NKAIN2: variants seen among roughly 807,000 people sequenced by gnomAD.
The protein encoded by NKAIN2 is sodium/potassium transporting ATPase interacting 2.
In NKAIN2, 14 loss-of-function variants were observed where a neutral mutation model predicts 32.6. The ratio of observed to expected loss-of-function variants is 0.43; its 90% CI spans 0.28 to 0.67. The LOEUF (loss-of-function observed/expected upper bound fraction) is 0.67. Among genes scored for constraint, NKAIN2 ranks in the 30% least tolerant of loss-of-function variants. The pLI is 0.17. For synonymous variants in NKAIN2, 80 were observed against 87.2 expected (o/e 0.92, Z 0.46); for missense variants, 198 against 258.3 (o/e 0.77, Z 1.60).
chr6:124,477,061 A>G (rs1019942210), intron 3 of NKAIN2, among the ~76,000 whole-genome samples: 1 of 152,158 alleles, frequency 6.6e-6, no homozygotes, highest in Admixed American at 6.5e-5. Flanking sequence ...TGAGAGCTAT[A>G]TGACTCTGCA....
chr6:124,480,008 T>C, intron 3 of NKAIN2, among the ~76,000 whole-genome samples: 1 of 152,298 alleles, frequency 6.6e-6, no homozygotes, highest in Middle Eastern at 3.4e-3. Context: ...AAGACACTAA[T>C]GCATTCTGCA....
At chr6:124,636,532 AG>A (rs990363537) in intron 3 of NKAIN2, among the ~76,000 whole-genome samples, 1 of 151,948 alleles carries the variant, frequency 6.6e-6, no homozygotes, top group Non-Finnish European at 1.5e-5. Context: ...CTAAGAGAAA[AG>A]GGGAGAAGAC....
chr6:123,851,299 G>C (rs1775337222), intron 1 of NKAIN2, among the ~76,000 whole-genome samples: 1 of 133,772 alleles, frequency 7.5e-6, no homozygotes, highest in Non-Finnish European at 1.5e-5. Context: ...TCTCAGGCTG[G>C]AGTGCAATGG....
intron 4 of NKAIN2, among the ~76,000 whole-genome samples, chr6:124,670,029 T>C (rs79137356): frequency 0.18 from 27,937 of 151,884 alleles, 2,827 homozygotes; most frequent in East Asian, 0.34. Context: ...CCCATGTAGG[T>C]TGGTGCAAAA....
intron 3 of NKAIN2, among the ~76,000 whole-genome samples, chr6:124,597,982 T>C (rs1782156495): frequency 6.6e-6 from 1 of 152,188 alleles, no homozygotes; most frequent in Non-Finnish European, 1.5e-5. Flanking sequence ...TGCTGTCAAG[T>C]ACAACTTTTT....
intron 4 of NKAIN2, among the ~76,000 whole-genome samples, chr6:124,726,923 G>T (rs1583736410): frequency 8.3e-6 from 1 of 120,318 alleles, no homozygotes; most frequent in East Asian, 2.8e-4. Context: ...GAAGCCTCAG[G>T]AGCTGATGCA....
At chr6:124,234,777 T>G (rs1438764737) in intron 1 of NKAIN2, among the ~76,000 whole-genome samples, 1 of 152,176 alleles carries the variant, frequency 6.6e-6, no homozygotes, top group Non-Finnish European at 1.5e-5. Context: ...TCCCACAGAT[T>G]CTAAATAATA....
At chr6:123,984,449 T>C (rs1449616305) in intron 1 of NKAIN2, among the ~76,000 whole-genome samples, 1 of 152,150 alleles carries the variant, frequency 6.6e-6, no homozygotes, top group Non-Finnish European at 1.5e-5. Flanking sequence ...CACTGACCAA[T>C]ACTGTAATAT....
At chr6:124,516,488 GTTAA>G (rs1240058013) in intron 3 of NKAIN2, among the ~76,000 whole-genome samples, 1 of 152,086 alleles carries the variant, frequency 6.6e-6, no homozygotes, top group Non-Finnish European at 1.5e-5. Flanking sequence ...GGTGTTTTTA[GTTAA>G]TTAATTTCTT....
intron 1 of NKAIN2, among the ~76,000 whole-genome samples, chr6:124,205,948 C>T (rs552358157): frequency 6.2e-4 from 94 of 151,980 alleles, no homozygotes; most frequent in African/African-American, 2.2e-3. Flanking sequence ...AAGCATTCTA[C>T]AAAGAACACA....
intron 2 of NKAIN2, among the ~76,000 whole-genome samples, chr6:124,284,991 T>G (rs917211217): frequency 6.6e-6 from 1 of 152,214 alleles, no homozygotes; most frequent in Non-Finnish European, 1.5e-5. Context: ...CTTTCACTAC[T>G]GGCTACTTTC....
At chr6:124,096,465 A>G (rs1346399472) in intron 1 of NKAIN2, among the ~76,000 whole-genome samples, 2 of 152,158 alleles carry the variant, frequency 1.3e-5, no homozygotes, top group Admixed American at 1.3e-4. Flanking sequence ...AATTGTTTTT[A>G]GTTACAGCTC....
At chr6:124,406,058 T>C (rs1354744378) in intron 3 of NKAIN2, among the ~76,000 whole-genome samples, 2 of 119,454 alleles carry the variant, frequency 1.7e-5, no homozygotes, top group African/African-American at 6.0e-5. Flanking sequence ...ATGAGTATGT[T>C]TTAAAGTTTT....
At chr6:124,264,894 A>G (rs1476829317) in intron 1 of NKAIN2, among the ~76,000 whole-genome samples, 1 of 152,188 alleles carries the variant, frequency 6.6e-6, no homozygotes, top group African/African-American at 2.4e-5. Context: ...CCAATCTTTA[A>G]TATGTTTAAA....
chr6:124,063,974 G>A lies in NKAIN2; in HGVS notation c.55-219031G>A, dbSNP rs1439883492. ...ATATAATTTTTTTTTTTTTTGAGAC[G>A]GAGTCTCACTCTGTCGCCCAGGCTG... On this transcript the variant is annotated intron_variant, in intron 1 of 6. Coordinates refer to ENST00000368417, the MANE Select transcript of NKAIN2 (RefSeq NM_001040214.3). 1.5e-4 allele frequency among the ~76,000 whole-genome samples: 22 copies of A among 148,372 alleles called. 1 individual carries two copies. The highest frequency in any genetic ancestry group is 4.7e-4 in the African/African-American group (19 of 40,162).
At chr6:124,309,921 T>C (rs1010002149) in intron 2 of NKAIN2, among the ~76,000 whole-genome samples, 2 of 152,138 alleles carry the variant, frequency 1.3e-5, no homozygotes, top group African/African-American at 4.8e-5. Context: ...GCCAGTCTTC[T>C]CACCTTCATT....
At chr6:123,938,399 TATATATATATA>T (rs1776626303) in intron 1 of NKAIN2, among the ~76,000 whole-genome samples, 9 of 1,640 alleles carry the variant, frequency 5.5e-3, no homozygotes, top group East Asian at 0.039. Flanking sequence ...GCAAGGGTTA[TATATATATATA>T]TATATATATA....
chr6:124,777,826 A>G (rs534106778), intron 4 of NKAIN2, among the ~76,000 whole-genome samples: 1 of 152,274 alleles, frequency 6.6e-6, no homozygotes, highest in South Asian at 2.1e-4. Context: ...ATTTTAGAAA[A>G]TTGACCTGCA....
At chr6:123,987,510 T>C (rs2114680023) in intron 1 of NKAIN2, among the ~76,000 whole-genome samples, 1 of 152,308 alleles carries the variant, frequency 6.6e-6, no homozygotes. Context: ...TGGGAGGTTT[T>C]TCTGCTCAGT....
Sources: allele counts gnomAD v4.1 joint callset (sites outside exome capture counted in the v4.1 genomes callset), GRCh38; gene constraint gnomAD v4.1.1; transcripts MANE v1.5; gene names NCBI Gene and HGNC (gene_info 2026-07-23, HGNC 2026-07-21).